The following SELENOK variants were observed in gnomAD, a reference collection of about 807,000 sequenced individuals.
SELENOK encodes the protein selenoprotein K.
SELENOK carries 11 observed loss-of-function variants against 17.3 expected under a neutral mutation model. The ratio of observed to expected loss-of-function variants is 0.63; its 90% CI spans 0.40 to 1.05. SELENOK has a LOEUF of 1.05. SELENOK is among the 50% of genes least tolerant of loss of function. The pLI is 0.00. For synonymous variants in SELENOK, 45 were observed against 35.4 expected (o/e 1.27, Z -0.97); for missense variants, 125 against 113.9 (o/e 1.10, Z -0.44).
At chr3:53,888,007 TA>T (rs1700138816) in intron 2 of SELENOK, 1 of 153,440 alleles carries the variant, frequency 6.5e-6, no homozygotes, top group Admixed American at 6.5e-5. Flanking sequence ...AACCAGGATA[TA>T]AAACCTTTTA....
At position 53,886,866 on chromosome 3, in the gene SELENOK, TA is replaced by T. The variant is rs1559798943; in HGVS notation, c.178del (p.Tyr60MetfsTer40). On this transcript the variant is annotated frameshift_variant, in exon 3 of 5. Coordinates refer to ENST00000495461, the MANE Select transcript of SELENOK (RefSeq NM_021237.5). LOFTEE classifies it high-confidence loss of function. Reference sequence around the variant, plus strand: ...AAAGCTGTACCCTCTTCCATCATCATATCTGGAATCAGATGAGTTTCCATAG... The same window carrying T: ...AAAGCTGTACCCTCTTCCATCATCATTCTGGAATCAGATGAGTTTCCATAG... Reference protein sequence around the residue: ...RSYGNSSDSRYDDGRGPPGNP... With the variant: ...RSYGNSSDSRXDDGRGPPGNP... 6.4e-7 allele frequency: 1 copy of T among 1,564,802 alleles called. No individual in the cohort carries two copies. The highest frequency in any genetic ancestry group is 1.2e-5 in the South Asian group (1 of 83,424).
intron 1 of SELENOK, among the ~76,000 whole-genome samples, chr3:53,890,283 T>C (rs1412866384): frequency 2.6e-5 from 4 of 152,002 alleles, no homozygotes; most frequent in African/African-American, 9.7e-5. Context: ...CATAAGATTT[T>C]TGGAAAAAAA....
In SELENOK at chr3:53,888,171, G is replaced by C. The variant is rs563597926; in HGVS notation, c.110+222C>G. The stretch of plus-strand genomic sequence containing the variant: ...TAGTTACCACCAAGGTTAAGATGTG[G>C]TCAAGTTTACCAATCCAACTAACAT... On this transcript the variant is annotated intron_variant, in intron 2 of 4. Transcript: ENST00000495461. 458 of 410,488 alleles carry C rather than the reference G, an allele frequency of 1.1e-3. 1 individual carries two copies. The highest frequency in any genetic ancestry group is 1.3e-3 in the Non-Finnish European group (301 of 230,326). 25.4% of individuals were successfully genotyped at this position (410,488 alleles called of 1,614,324 possible).
intron 1 of SELENOK, among the ~76,000 whole-genome samples, 170 bp downstream of exon 1, chr3:53,891,600 C>A (rs987053623): frequency 3.9e-5 from 6 of 152,182 alleles, no homozygotes; most frequent in African/African-American, 1.4e-4. Context: ...CAGAGACCAT[C>A]GGCTGACGCG....
chr3:53,887,173 C>G (rs1700133874), intron 2 of SELENOK, among the ~76,000 whole-genome samples: 1 of 152,126 alleles, frequency 6.6e-6, no homozygotes, highest in Non-Finnish European at 1.5e-5. Context: ...TAATAACTCC[C>G]CTAGACAGAG....
chr3:53,890,004 G>A (rs559272589), intron 1 of SELENOK, among the ~76,000 whole-genome samples: 43 of 152,294 alleles, frequency 2.8e-4, no homozygotes, highest in African/African-American at 1.0e-3. Flanking sequence ...AAGAGTAACT[G>A]TCAACTACCT....
At chr3:53,889,362 T>TA (rs1700151265) in intron 1 of SELENOK, among the ~76,000 whole-genome samples, 1 of 152,236 alleles carries the variant, frequency 6.6e-6, no homozygotes. Context: ...AGAAGAATAA[T>TA]ACAATTTCTA....
chr3:53,886,418 T>C (rs1173484692), intron 3 of SELENOK, among the ~76,000 whole-genome samples: 1 of 152,188 alleles, frequency 6.6e-6, no homozygotes, highest in Non-Finnish European at 1.5e-5. Context: ...TGTATTTTAG[T>C]AGAGACGGGG....
intron 1 of SELENOK, among the ~76,000 whole-genome samples, chr3:53,891,553 G>C (rs956598517): frequency 3.3e-5 from 5 of 152,178 alleles, no homozygotes; most frequent in African/African-American, 1.2e-4. Context: ...AGTACTCAAC[G>C]TGAGGCCGGC....
At position 53,891,783 on chromosome 3, in the gene SELENOK, A is replaced by T; in HGVS notation, c.6T>A (p.Val2=). The change falls in exon 1 of 5, where the codon GTT becomes GTA. Residue 2 remains valine (V), a synonymous_variant. Transcript: ENST00000495461. M[V]YISNGQVLDS... is the part of the protein sequence containing the mutation. ...CTCTCAACTTACCGTTCGAGATGTA[A>T]ACCATCTTGTCCCACTTCCCCGCTT... 6.2e-7 allele frequency: 1 copy of T among 1,613,962 alleles called. No homozygotes were observed. The highest frequency in any genetic ancestry group is 8.5e-7 in the Non-Finnish European group (1 of 1,179,828).
chr3:53,886,541 A>C, intron 3 of SELENOK, among the ~76,000 whole-genome samples: 1 of 152,198 alleles, frequency 6.6e-6, no homozygotes, highest in East Asian at 1.9e-4. Context: ...GCGATCTTCT[A>C]AGTTTTTAAT....
intron 1 of SELENOK, among the ~76,000 whole-genome samples, chr3:53,890,278 G>T (rs2107092399): frequency 6.6e-6 from 1 of 151,880 alleles, no homozygotes; most frequent in South Asian, 2.1e-4. Flanking sequence ...CATCACATAA[G>T]ATTTTTGGAA....
chr3:53,887,448 T>C (rs996023286), intron 2 of SELENOK, among the ~76,000 whole-genome samples: 1 of 152,250 alleles, frequency 6.6e-6, no homozygotes, highest in Non-Finnish European at 1.5e-5. Context: ...GTAAAAGAGT[T>C]AAGTTTTGGA....
Position 53,885,529 on chromosome 3 carries a change from TC to T in SELENOK, c.*28del. ...TTTCCTTCTGCTATGAATGCGCATG[TC>T]CGGTTGTCTGCTTCTTAGAGCAGAC... On this transcript the variant is annotated 3_prime_UTR_variant, in exon 5 of 5. Coordinates refer to ENST00000495461, the MANE Select transcript of SELENOK (RefSeq NM_021237.5). 1 of 1,606,134 alleles carries T rather than the reference TC, an allele frequency of 6.2e-7. No homozygotes were observed. The highest frequency in any genetic ancestry group is 1.1e-5 in the South Asian group (1 of 89,420).
Position 53,885,276 on chromosome 3 carries a change from A to C in SELENOK, c.*282T>G. 1 of 280,718 alleles carries C rather than the reference A, an allele frequency of 3.6e-6. No individual in the cohort carries two copies. The allele number at this position is 280,718 out of a possible 1,614,324, so 17.4% of individuals were successfully genotyped here. On this transcript the variant is annotated 3_prime_UTR_variant, in exon 5 of 5. Coordinates refer to ENST00000495461, the MANE Select transcript of SELENOK (RefSeq NM_021237.5). ...ATAAAGATGAGGAGTCCATTCTGCA[A>C]CCTAAAAATATTTACTTATTAAAAC... is the stretch of plus-strand genomic sequence containing the variant.
At chr3:53,891,241 G>A (rs980188518) in intron 1 of SELENOK, among the ~76,000 whole-genome samples, 1 of 152,110 alleles carries the variant, frequency 6.6e-6, no homozygotes, top group African/African-American at 2.4e-5. Flanking sequence ...TAACAAGGAC[G>A]CTGACGTCAG....
At chr3:53,887,050 T>G in intron 2 of SELENOK, 116 bp from the exon 3 acceptor site, 2 of 742,724 alleles carry the variant, frequency 2.7e-6, no homozygotes, top group Non-Finnish European at 4.3e-6. Context: ...ACTTAGCTCC[T>G]AACCCACATT....
In SELENOK at chr3:53,886,848, T is replaced by C. The variant is rs1478831115; in HGVS notation, c.194+3A>G. 1 of 1,537,414 alleles carries C rather than the reference T, an allele frequency of 6.5e-7. No homozygotes were observed. The highest frequency in any genetic ancestry group is 2.3e-5 in the East Asian group (1 of 42,882). ...CAACTATTATCAATTTAAAAAGCTG[T>C]ACCCTCTTCCATCATCATATCTGGA... On this transcript the variant is annotated splice_donor_region_variant and intron_variant, in intron 3 of 4. Coordinates refer to ENST00000495461, the MANE Select transcript of SELENOK (RefSeq NM_021237.5).
rs369180085 is a variant in SELENOK, at chr3:53,891,754, C to G, written c.19+16G>C. 5.1e-5 allele frequency: 83 copies of G among 1,613,820 alleles called. No individual in the cohort carries two copies. The highest frequency in any genetic ancestry group is 2.3e-5 in the Non-Finnish European group (27 of 1,179,794). On this transcript the variant is annotated intron_variant, in intron 1 of 4. Transcript: ENST00000495461. ...TACAAGTCACCGGTCGAAGCCACAG[C>G]CCGCTCTCAACTTACCGTTCGAGAT...
Sources: allele counts gnomAD v4.1 joint callset (sites outside exome capture counted in the v4.1 genomes callset), GRCh38; gene constraint gnomAD v4.1.1; transcripts MANE v1.5; gene names NCBI Gene and HGNC (gene_info 2026-07-23, HGNC 2026-07-21).